The following SKAP2 variants were observed in gnomAD, a reference collection of about 807,000 sequenced individuals.
The protein encoded by SKAP2 is src kinase-associated phosphoprotein 2.
In SKAP2, 28 loss-of-function variants were observed where a neutral mutation model predicts 54.9. The observed-to-expected ratio is 0.51, with a 90% CI of 0.38 to 0.70. The LOEUF (loss-of-function observed/expected upper bound fraction) is 0.70. Ranked by LOEUF, SKAP2 falls within the 30% of genes least tolerant of loss-of-function variation. The pLI is 0.00. For synonymous variants in SKAP2, 137 were observed against 134.3 expected (o/e 1.02, Z -0.14); for missense variants, 356 against 424.1 (o/e 0.84, Z 1.41).
intron 11 of SKAP2, among the ~76,000 whole-genome samples, chr7:26,681,787 T>A (rs1428820637): frequency 6.6e-6 from 1 of 152,352 alleles, no homozygotes; most frequent in East Asian, 1.9e-4. Context: ...CAAATACTAT[T>A]TTAGAATCCT....
At chr7:26,701,398 G>A (rs1176834384) in intron 9 of SKAP2, among the ~76,000 whole-genome samples, 1 of 152,068 alleles carries the variant, frequency 6.6e-6, no homozygotes, top group Non-Finnish European at 1.5e-5. Flanking sequence ...ATTTTCTTTG[G>A]TTATTCAGCT....
chr7:26,678,296 A>C (rs1268376565), intron 11 of SKAP2, among the ~76,000 whole-genome samples: 1 of 152,202 alleles, frequency 6.6e-6, no homozygotes, highest in African/African-American at 2.4e-5. Context: ...CAACAAAAAA[A>C]CAGAGTACTT....
At chr7:26,847,066 A>G (rs969364848) in intron 3 of SKAP2, among the ~76,000 whole-genome samples, 6 of 152,178 alleles carry the variant, frequency 3.9e-5, no homozygotes, top group Non-Finnish European at 8.8e-5. Flanking sequence ...TACCCATTCT[A>G]AGAATTGCAG....
At chr7:26,819,767 G>A (rs1247527893) in intron 4 of SKAP2, among the ~76,000 whole-genome samples, 1 of 152,102 alleles carries the variant, frequency 6.6e-6, no homozygotes, top group African/African-American at 2.4e-5. Context: ...GGTGTGATAA[G>A]AGTATTAAGG....
At chr7:26,678,209 T>C (rs1034843077) in intron 11 of SKAP2, among the ~76,000 whole-genome samples, 1 of 152,154 alleles carries the variant, frequency 6.6e-6, no homozygotes, top group African/African-American at 2.4e-5. Flanking sequence ...CAGGACATTG[T>C]AAATGCTCAA....
chr7:26,765,434 T>C (rs1007200310), intron 4 of SKAP2, among the ~76,000 whole-genome samples: 1 of 152,202 alleles, frequency 6.6e-6, no homozygotes, highest in East Asian at 1.9e-4. Context: ...CTCATTCTGA[T>C]GATAGTTTCT....
At chr7:26,743,524 T>C (rs1031921614) in intron 4 of SKAP2, among the ~76,000 whole-genome samples, 3 of 152,144 alleles carry the variant, frequency 2.0e-5, no homozygotes, top group African/African-American at 4.8e-5. Flanking sequence ...AGAACAAAAA[T>C]TAACCCATAT....
At chr7:26,673,928 T>C (rs901916817) in intron 11 of SKAP2, among the ~76,000 whole-genome samples, 1 of 152,108 alleles carries the variant, frequency 6.6e-6, no homozygotes, top group Non-Finnish European at 1.5e-5. Flanking sequence ...AAATCTTCTT[T>C]CTCTGCTGGA....
intron 4 of SKAP2, among the ~76,000 whole-genome samples, chr7:26,745,051 C>T (rs1782533457): frequency 6.6e-6 from 1 of 152,016 alleles, no homozygotes; most frequent in Admixed American, 6.6e-5. Context: ...AGACTTTATG[C>T]AAAATTACGA....
At chr7:26,773,072 T>C (rs750846359) in intron 4 of SKAP2, among the ~76,000 whole-genome samples, 1 of 152,240 alleles carries the variant, frequency 6.6e-6, no homozygotes, top group Non-Finnish European at 1.5e-5. Flanking sequence ...AGAAATACAC[T>C]CTGCATGGTT....
chr7:26,813,892 G>T (rs980060628), intron 4 of SKAP2, among the ~76,000 whole-genome samples: 1 of 152,090 alleles, frequency 6.6e-6, no homozygotes, highest in Non-Finnish European at 1.5e-5. Context: ...TCTGTGATTC[G>T]AAAGAAAAAT....
At chr7:26,741,556 A>C (rs1782454815) in intron 4 of SKAP2, among the ~76,000 whole-genome samples, 1 of 80,744 alleles carries the variant, frequency 1.2e-5, no homozygotes, top group Admixed American at 1.3e-4. Flanking sequence ...ATAAATAAAT[A>C]AATAAATAAA....
At chr7:26,725,390 C>A in intron 9 of SKAP2, 38 bp downstream of exon 9, 1 of 1,496,826 alleles carries the variant, frequency 6.7e-7, no homozygotes, top group Non-Finnish European at 9.2e-7. Context: ...ACACACACAG[C>A]CCTAAAATCT....
chr7:26,831,040 A>G (rs1310507857), intron 4 of SKAP2, among the ~76,000 whole-genome samples: 1 of 152,114 alleles, frequency 6.6e-6, no homozygotes, highest in Non-Finnish European at 1.5e-5. Context: ...GTTTCCTAAT[A>G]ATTTGGGACC....
At chr7:26,781,307 C>A (rs899997202) in intron 4 of SKAP2, among the ~76,000 whole-genome samples, 1 of 151,848 alleles carries the variant, frequency 6.6e-6, no homozygotes, top group African/African-American at 2.4e-5. Flanking sequence ...GGGGTTTTTC[C>A]CTATTTCCTT....
intron 4 of SKAP2, among the ~76,000 whole-genome samples, chr7:26,808,707 ATACT>A (rs1267690467): frequency 6.6e-6 from 1 of 152,194 alleles, no homozygotes; most frequent in East Asian, 1.9e-4. Context: ...CTTGGTTCCG[ATACT>A]TACTAGGCAT....
chr7:26,762,248 G>A (rs898396262), intron 4 of SKAP2, among the ~76,000 whole-genome samples: 3 of 151,954 alleles, frequency 2.0e-5, no homozygotes, highest in African/African-American at 4.8e-5. Flanking sequence ...CAGCCTGGGT[G>A]ACAGAGTGAG....
intron 9 of SKAP2, among the ~76,000 whole-genome samples, chr7:26,694,907 T>C (rs957850651): frequency 6.6e-6 from 1 of 152,138 alleles, no homozygotes; most frequent in African/African-American, 2.4e-5. Context: ...CAAATCTGTC[T>C]AGCTATGCAG....
intron 11 of SKAP2, among the ~76,000 whole-genome samples, chr7:26,681,587 A>G (rs1786499453): frequency 6.6e-6 from 1 of 152,230 alleles, no homozygotes; most frequent in Non-Finnish European, 1.5e-5. Context: ...TTTTTAAAGA[A>G]TATTTTCAGA....
Sources: gnomAD v4.1 joint callset for allele counts (sites outside exome capture counted in the v4.1 genomes callset) on GRCh38, gnomAD v4.1.1 for gene constraint, MANE v1.5 for transcripts, NCBI Gene and HGNC (gene_info 2026-07-23, HGNC 2026-07-21) for gene names.